Variants in RGS6 observed in about 807,000 individuals in gnomAD.
RGS6 encodes the protein regulator of G protein signaling 6, also known as regulator of G-protein signaling 6.
In RGS6, 30 loss-of-function variants were observed where a neutral mutation model predicts 78.5. The ratio of observed to expected loss-of-function variants is 0.38; its 90% CI spans 0.29 to 0.52. RGS6 has a LOEUF of 0.52. RGS6 is among the 20% of genes least tolerant of loss of function. The pLI is 0.85. For synonymous variants in RGS6, 206 were observed against 206.0 expected (o/e 1.00, Z 0.00); for missense variants, 495 against 609.7 (o/e 0.81, Z 1.98).
chr14:72,316,185 A>G (rs2070144692), intron 2 of RGS6, among the ~76,000 whole-genome samples: 3 of 152,216 alleles, frequency 2.0e-5, no homozygotes, highest in African/African-American at 7.2e-5. Context: ...TTGAAACAAG[A>G]AGTAAAAGAA....
intron 1 of RGS6, among the ~76,000 whole-genome samples, chr14:71,959,163 A>G (rs935987395): frequency 6.6e-6 from 1 of 152,192 alleles, no homozygotes; most frequent in Non-Finnish European, 1.5e-5. Context: ...ATACTCTGCT[A>G]TAACAGGAAG....
At chr14:72,570,966 A>G (rs1229514934), downstream of RGS6, among the ~76,000 whole-genome samples, 1 of 152,118 alleles carries the variant, frequency 6.6e-6, no homozygotes, top group Non-Finnish European at 1.5e-5. Context: ...TGGGAATTTC[A>G]TTGCTATCTG....
intron 2 of RGS6, among the ~76,000 whole-genome samples, chr14:72,128,070 T>G (rs1304825771): frequency 6.6e-6 from 1 of 152,218 alleles, no homozygotes; most frequent in Non-Finnish European, 1.5e-5. Context: ...GAATGACATC[T>G]GTGCTGTTTC....
chr14:71,962,590 G>A (rs1399460118), intron 1 of RGS6, among the ~76,000 whole-genome samples: 1 of 152,142 alleles, frequency 6.6e-6, no homozygotes, highest in Non-Finnish European at 1.5e-5. Flanking sequence ...AAAAGCCATT[G>A]GTTAGAATGG....
At chr14:72,127,632 C>T (rs184529154) in intron 2 of RGS6, among the ~76,000 whole-genome samples, 235 of 152,192 alleles carry the variant, frequency 1.5e-3, no homozygotes, top group Non-Finnish European at 2.3e-3. Flanking sequence ...AATTTTGAGG[C>T]AATTGTAGTT....
chr14:72,392,480 C>T (rs1028242890), intron 3 of RGS6, among the ~76,000 whole-genome samples: 2 of 152,122 alleles, frequency 1.3e-5, no homozygotes, highest in Non-Finnish European at 2.9e-5. Context: ...CCCATCATCA[C>T]AGACATACAC....
chr14:71,889,907 T>G, the RGS6 span, among the ~76,000 whole-genome samples: 2 of 152,096 alleles, frequency 1.3e-5, no homozygotes, highest in Non-Finnish European at 2.9e-5. Context: ...CCTCTCTCTC[T>G]CTCTTTCTTG....
intron 2 of RGS6, among the ~76,000 whole-genome samples, chr14:72,057,864 G>A (rs2093695651): frequency 6.6e-6 from 1 of 152,146 alleles, no homozygotes; most frequent in Non-Finnish European, 1.5e-5. Context: ...GTTTCCATCT[G>A]GCTTGGCAAT....
chr14:72,552,123 G>A (rs2097516617), intron 17 of RGS6, among the ~76,000 whole-genome samples: 1 of 152,176 alleles, frequency 6.6e-6, no homozygotes, highest in African/African-American at 2.4e-5. Context: ...GTTGAGGGTG[G>A]GTACGTGGGT....
At chr14:71,892,576 A>G in the RGS6 span, among the ~76,000 whole-genome samples, 1 of 152,192 alleles carries the variant, frequency 6.6e-6, no homozygotes, top group Non-Finnish European at 1.5e-5. Flanking sequence ...TCAAGAGCAC[A>G]GGTCACAGTA....
chr14:72,237,887 T>C lies in RGS6; in HGVS notation c.85-114208T>C, dbSNP rs556248720. Among the ~76,000 whole-genome samples, 98 of 152,324 alleles carry C rather than the reference T, an allele frequency of 6.4e-4. 1 individual carries two copies. Among genetic ancestry groups the C allele is most frequent in the Middle Eastern group, 3.4e-3 (1 of 294 alleles). ...GTGTTACAACGCTCATAGCAGTTACTATCTGCAGATAGCTAAGTGTTAACC... is the reference window on the plus strand; with the variant it reads ...GTGTTACAACGCTCATAGCAGTTACCATCTGCAGATAGCTAAGTGTTAACC... On this transcript the variant is annotated intron_variant, in intron 2 of 17. Transcript: ENST00000553525.
intron 2 of RGS6, among the ~76,000 whole-genome samples, chr14:72,024,924 A>G (rs2089525876): frequency 6.6e-6 from 1 of 152,216 alleles, no homozygotes; most frequent in Non-Finnish European, 1.5e-5. Context: ...GTGAGCCAAC[A>G]CACTCAGCTC....
chr14:72,234,284 G>A (rs1236690641), intron 2 of RGS6, among the ~76,000 whole-genome samples: 1 of 152,036 alleles, frequency 6.6e-6, no homozygotes, highest in East Asian at 1.9e-4. Flanking sequence ...GGTCCCAACT[G>A]TGTTAGGGTC....
At chr14:72,194,846 G>T (rs1054403532) in intron 2 of RGS6, among the ~76,000 whole-genome samples, 1 of 152,150 alleles carries the variant, frequency 6.6e-6, no homozygotes, top group East Asian at 1.9e-4. Flanking sequence ...TTAAAAGGTC[G>T]CCAGGTTTTG....
chr14:72,590,128 G>T, the RGS6 span, among the ~76,000 whole-genome samples: 1 of 152,098 alleles, frequency 6.6e-6, no homozygotes, highest in African/African-American at 2.4e-5. Context: ...AATTAAAAAG[G>T]CCAACAATAC....
At chr14:72,151,584 T>C (rs1309011039) in intron 2 of RGS6, among the ~76,000 whole-genome samples, 1 of 152,140 alleles carries the variant, frequency 6.6e-6, no homozygotes, top group African/African-American at 2.4e-5. Flanking sequence ...AATCTCTAGC[T>C]GTGTGCTTGG....
At chr14:72,435,701 A>G (rs75375082) in intron 3 of RGS6, among the ~76,000 whole-genome samples, 3,049 of 152,028 alleles carry the variant, frequency 0.02, 103 homozygotes, top group African/African-American at 0.07. Flanking sequence ...CTTCAAAGCC[A>G]GCAGCTCTCT....
At chr14:72,589,466 C>T in the RGS6 span, among the ~76,000 whole-genome samples, 3 of 152,216 alleles carry the variant, frequency 2.0e-5, no homozygotes, top group Non-Finnish European at 2.9e-5. Context: ...AGGAGAATCA[C>T]TTGAACCCAG....
At chr14:71,955,917 A>G (rs149114787) in intron 1 of RGS6, among the ~76,000 whole-genome samples, 3 of 152,266 alleles carry the variant, frequency 2.0e-5, no homozygotes, top group Admixed American at 6.5e-5. Context: ...AAAAAGGAAG[A>G]TGGAGAACAT....
Sources: allele counts gnomAD v4.1 joint callset (sites outside exome capture counted in the v4.1 genomes callset), GRCh38; gene constraint gnomAD v4.1.1; transcripts MANE v1.5; gene names NCBI Gene and HGNC (gene_info 2026-07-23, HGNC 2026-07-21).